The following TOP3A variants were observed in gnomAD, a reference collection of about 807,000 sequenced individuals.
TOP3A encodes the protein DNA topoisomerase III alpha.
A neutral mutation model predicts 111.3 loss-of-function variants in TOP3A; 64 were observed. The observed-to-expected ratio is 0.57, with a 90% CI of 0.47 to 0.71. The LOEUF (loss-of-function observed/expected upper bound fraction) is 0.71. TOP3A is among the 30% of genes least tolerant of loss of function. TOP3A has a pLI of 0.00. For synonymous variants in TOP3A, 484 were observed against 485.1 expected (o/e 1.00, Z 0.03); for missense variants, 1,104 against 1,285.0 (o/e 0.86, Z 2.15).
At chr17:18,303,420 C>A (rs1981361673) in intron 5 of TOP3A, among the ~76,000 whole-genome samples, 1 of 152,140 alleles carries the variant, frequency 6.6e-6, no homozygotes, top group African/African-American at 2.4e-5. Context: ...AAGAGTAAGG[C>A]CTCTATGCGG....
Position 18,278,369 on chromosome 17 carries a change from A to C in TOP3A, c.2145-12T>G. ...ACTTTAACTTTAACCTAGTGAGGCC[A>C]GAAGATGAGAAAAAACATTAACAAC... On this transcript the variant is annotated splice_polypyrimidine_tract_variant and intron_variant, in intron 17 of 18. Transcript: ENST00000321105. The C allele has an allele frequency of 6.6e-7, 1 of 1,507,356 alleles. No homozygotes were observed. The highest frequency in any genetic ancestry group is 1.4e-5 in the South Asian group (1 of 73,118). The allele number at this position is 1,507,356 out of a possible 1,614,324, so 93.4% of individuals were successfully genotyped here.
At chr17:18,293,178 CAT>C (rs1022510502) in intron 10 of TOP3A, among the ~76,000 whole-genome samples, 2 of 152,264 alleles carry the variant, frequency 1.3e-5, no homozygotes, top group Non-Finnish European at 2.9e-5. Flanking sequence ...TGATGCAGCA[CAT>C]GAGACTCACT....
intron 8 of TOP3A, among the ~76,000 whole-genome samples, chr17:18,300,896 G>A (rs1229692175): frequency 6.6e-6 from 1 of 152,156 alleles, no homozygotes; most frequent in Non-Finnish European, 1.5e-5. Flanking sequence ...GGACACACTA[G>A]GACTCTGCCA....
Position 18,314,662 on chromosome 17 carries a change from C to T in TOP3A, c.117G>A (p.Val39=). 3 of 1,613,524 alleles carry T rather than the reference C, an allele frequency of 1.9e-6. No individual in the cohort carries two copies. Among genetic ancestry groups the T allele is most frequent in the Non-Finnish European group, 2.5e-6 (3 of 1,179,710 alleles). Residue 39 remains valine (V), a synonymous_variant, in exon 1 of 19, where the codon GTG becomes GTA. Coordinates refer to ENST00000321105, the MANE Select transcript of TOP3A (RefSeq NM_004618.5). ...CCTTGGCCGCGTCGTTTTTTTCGGC[C>T]ACACAGAGGACTTTCCGCACGCCTC... ...ALRGVRKVLC[V]AEKNDAAKGI...
chr17:18,309,072 C>A, intron 1 of TOP3A, 131 bp from the exon 2 acceptor site: 10 of 475,308 alleles, frequency 2.1e-5, no homozygotes, highest in South Asian at 1.2e-4. Flanking sequence ...CAACATTGCT[C>A]CAAAGAAGAT....
At chr17:18,284,403 C>G (rs1979963386) in intron 15 of TOP3A, among the ~76,000 whole-genome samples, 1 of 152,136 alleles carries the variant, frequency 6.6e-6, no homozygotes, top group Non-Finnish European at 1.5e-5. Context: ...AGCCCCTCTG[C>G]TCTTCCTGAG....
chr17:18,300,179 C>T (rs1981138254), intron 8 of TOP3A, among the ~76,000 whole-genome samples: 2 of 71,036 alleles, frequency 2.8e-5, no homozygotes, highest in South Asian at 3.2e-4. Flanking sequence ...GGGCGGATTA[C>T]AAGGTCGAGA....
chr17:18,289,877 G>A (rs1280201995), intron 13 of TOP3A, among the ~76,000 whole-genome samples: 1 of 152,174 alleles, frequency 6.6e-6, no homozygotes. Context: ...CATGCCCAGG[G>A]AGCTCTGCTT....
At position 18,301,923 on chromosome 17, in the gene TOP3A, G is replaced by A. The variant is rs147058247; in HGVS notation, c.877C>T (p.His293Tyr). The change falls in exon 8 of 19, where the codon CAC (histidine) becomes TAC (tyrosine). Residue 293 changes from histidine (H) to tyrosine (Y), a missense_variant. His to Tyr is a moderately conservative substitution (Grantham distance 83, BLOSUM62 2). Transcript: ENST00000321105. Reference sequence around the variant, plus strand: ...TGATAGAGAACTAGGCAAGCCGTGTGGTTAAAGAGTCGATGCCTTTTCCAG... The same window carrying A: ...TGATAGAGAACTAGGCAAGCCGTGTAGTTAAAGAGTCGATGCCTTTTCCAG... Reference protein sequence around the residue: ...FNWKRHRLFNHTACLVLYQLC... With the variant: ...FNWKRHRLFNYTACLVLYQLC... The A allele has an allele frequency of 6.2e-7, 1 of 1,614,080 alleles. No homozygotes were observed. Among genetic ancestry groups the A allele is most frequent in the African/African-American group, 1.3e-5 (1 of 74,926 alleles).
intron 13 of TOP3A, among the ~76,000 whole-genome samples, chr17:18,289,221 G>A (rs1980314530): frequency 6.6e-6 from 1 of 152,076 alleles, no homozygotes; most frequent in Non-Finnish European, 1.5e-5. Flanking sequence ...TGCCATGTTG[G>A]CCAGGCTGGT....
rs1979049237 is a variant in TOP3A at position 18,272,391 on chromosome 17, G to GC, written c.*2410_*2411insG. On this transcript the variant is annotated 3_prime_UTR_variant, in exon 19 of 19. Transcript: ENST00000321105. ...TAGGTTCCTCAAAAAGTCAAAACAT[G>GC]GAGTTATGGTATAAAACTACAATTC... Among the ~76,000 whole-genome samples the GC allele has an allele frequency of 6.6e-6, 1 of 152,196 alleles. No individual in the cohort carries two copies. Among genetic ancestry groups the GC allele is most frequent in the South Asian group, 2.1e-4 (1 of 4,834 alleles).
At chr17:18,288,401 C>T (rs1479715234) in intron 13 of TOP3A, among the ~76,000 whole-genome samples, 1 of 152,040 alleles carries the variant, frequency 6.6e-6, no homozygotes, top group Non-Finnish European at 1.5e-5. Flanking sequence ...CTTGGTCTCC[C>T]AAAGTGCTGG....
In TOP3A at chr17:18,305,475, A is replaced by AACACACATACAC. The variant is rs3075274; in HGVS notation, c.391-256_391-255insGTGTATGTGTGT. 5.9e-3 allele frequency among the ~76,000 whole-genome samples: 860 copies of AACACACATACAC among 146,730 alleles called. 3 individuals carry two copies. Among genetic ancestry groups the AACACACATACAC allele is most frequent in the African/African-American group, 0.013 (524 of 39,056 alleles). On this transcript the variant is annotated intron_variant, in intron 4 of 18. Transcript: ENST00000321105. ...ATGACAAAACCTGAAATTCAGCTCT[A>AACACACATACAC]ACACACACACACGCGCGCGCGCGCG...
At chr17:18,285,990 A>G (rs1311347960) in intron 13 of TOP3A, among the ~76,000 whole-genome samples, 1 of 152,124 alleles carries the variant, frequency 6.6e-6, no homozygotes, top group Non-Finnish European at 1.5e-5. Flanking sequence ...ATCTGAGGTC[A>G]GGAGTTCGAG....
In TOP3A at chr17:18,277,560, G is replaced by T. The variant is rs919240600; in HGVS notation, c.2827+115C>A. On this transcript the variant is annotated intron_variant, in intron 18 of 18. Transcript: ENST00000321105. ...AAAAGTGAGGTGCAAGGCAGCCCAG[G>T]TGCCCCTCCCAATCCCACCATGACC... 6.3e-5 allele frequency: 76 copies of T among 1,207,538 alleles called. 2 individuals carry two copies. Among genetic ancestry groups the T allele is most frequent in the South Asian group, 3.1e-4 (21 of 68,736 alleles). 74.8% of individuals were successfully genotyped at this position (1,207,538 alleles called of 1,614,324 possible).
intron 17 of TOP3A, chr17:18,280,173 A>AT (rs144409807): frequency 2.7e-4 from 29 of 108,062 alleles, no homozygotes; most frequent in African/African-American, 4.8e-4. Flanking sequence ...TTTAAATAAA[A>AT]ATTTTTTTTT....
At chr17:18,304,597 TGA>T (rs756783658) in intron 5 of TOP3A, among the ~76,000 whole-genome samples, 9 of 152,292 alleles carry the variant, frequency 5.9e-5, no homozygotes, top group Middle Eastern at 3.4e-3. Context: ...TTGTATAATA[TGA>T]GAGATTAAAA....
At chr17:18,314,460 G>T in intron 1 of TOP3A, 139 bp downstream of exon 1, 1 of 936,146 alleles carries the variant, frequency 1.1e-6, no homozygotes, top group Non-Finnish European at 1.5e-6. Flanking sequence ...GGAGGCCACT[G>T]CAATAATCCA....
rs1414596295 is a variant in TOP3A, at chr17:18,272,095, A to T, written c.*2707T>A. On this transcript the variant is annotated 3_prime_UTR_variant, in exon 19 of 19. Coordinates refer to ENST00000321105, the MANE Select transcript of TOP3A (RefSeq NM_004618.5). The stretch of plus-strand genomic sequence containing the variant: ...AAAAATAAAAAATAAAAAATAAAAA[A>T]TGGGTGAAGAACTTAAATCGACATT... Among the ~76,000 whole-genome samples, 1 of 152,132 alleles carries T rather than the reference A, an allele frequency of 6.6e-6. No homozygotes were observed. The highest frequency in any genetic ancestry group is 1.9e-4 in the East Asian group (1 of 5,190).
Sources: allele counts gnomAD v4.1 joint callset (sites outside exome capture counted in the v4.1 genomes callset), GRCh38; gene constraint gnomAD v4.1.1; transcripts MANE v1.5; gene names NCBI Gene and HGNC (gene_info 2026-07-23, HGNC 2026-07-21).